The following RSPO4 variants were observed in gnomAD, a reference collection of about 807,000 sequenced individuals.
The protein encoded by RSPO4 is R-spondin 4.
A neutral mutation model predicts 24.8 loss-of-function variants in RSPO4; 23 were observed. The observed-to-expected ratio is 0.93, with a 90% CI of 0.67 to 1.31. The LOEUF (loss-of-function observed/expected upper bound fraction) is 1.31, where lower values mean the gene tolerates loss of function less well. RSPO4 is among the 40% of genes most tolerant of loss of function. The pLI, the probability that RSPO4 is intolerant of heterozygous loss-of-function variation, is 0.00. For missense variants in RSPO4, 333 were observed against 316.5 expected, an observed-to-expected ratio of 1.05 and a Z score of -0.39; for synonymous variants, 141 against 127.4, an observed-to-expected ratio of 1.11 and a Z score of -0.72.
At chr20:992,259 CTTTCT>C (rs1368729780) in intron 1 of RSPO4, among the ~76,000 whole-genome samples, 10 of 134,696 alleles carry the variant, frequency 7.4e-5, no homozygotes, top group African/African-American at 3.1e-4. Context: ...CTGAGGTCCA[CTTTCT>C]TTTTTTTTTT....
intron 3 of RSPO4, among the ~76,000 whole-genome samples, chr20:966,306 TA>T (rs1984194292): frequency 6.6e-6 from 1 of 152,088 alleles, no homozygotes; most frequent in Admixed American, 6.5e-5. Context: ...TGTTAGGAAA[TA>T]ATCAGAGCAG....
At chr20:998,884 G>A (rs1245636381) in intron 1 of RSPO4, among the ~76,000 whole-genome samples, 2 of 152,074 alleles carry the variant, frequency 1.3e-5, no homozygotes, top group African/African-American at 4.8e-5. Flanking sequence ...AAAGCTGGTA[G>A]GACCCTGAGG....
At chr20:977,137 C>T (rs1160196260) in intron 1 of RSPO4, among the ~76,000 whole-genome samples, 1 of 152,208 alleles carries the variant, frequency 6.6e-6, no homozygotes, top group Non-Finnish European at 1.5e-5. Context: ...CAAACTTGGG[C>T]ATGCATCAGA....
intron 1 of RSPO4, among the ~76,000 whole-genome samples, chr20:992,169 T>C (rs1476051547): frequency 6.6e-6 from 1 of 152,102 alleles, no homozygotes; most frequent in Non-Finnish European, 1.5e-5. Context: ...GCATTTGTAA[T>C]GTGCTGGCAA....
At chr20:995,895 ACACT>A (rs1482137471) in intron 1 of RSPO4, among the ~76,000 whole-genome samples, 7 of 152,338 alleles carry the variant, frequency 4.6e-5, no homozygotes, top group Non-Finnish European at 8.8e-5. Flanking sequence ...ATGCATGCAC[ACACT>A]CACATACATC....
intron 4 of RSPO4, among the ~76,000 whole-genome samples, chr20:961,795 A>G (rs1431687390): frequency 3.3e-5 from 5 of 150,932 alleles, no homozygotes; most frequent in African/African-American, 1.2e-4. Flanking sequence ...CCCTCCACCT[A>G]TTTACCCACC....
chr20:1,001,629 A>G (rs751665413), intron 1 of RSPO4, among the ~76,000 whole-genome samples: 1 of 152,106 alleles, frequency 6.6e-6, no homozygotes, highest in South Asian at 2.1e-4. Flanking sequence ...TGACACCAGG[A>G]GTCAGGGTGA....
intron 4 of RSPO4, among the ~76,000 whole-genome samples, chr20:962,032 CCATCCATCCACT>C: frequency 6.6e-6 from 1 of 152,294 alleles, no homozygotes; most frequent in South Asian, 2.1e-4. Context: ...GTGCATTCAG[CCATCCATCCACT>C]CATCCAACAA....
intron 1 of RSPO4, among the ~76,000 whole-genome samples, chr20:978,256 G>A (rs1415827747): frequency 6.6e-6 from 1 of 152,180 alleles, no homozygotes; most frequent in Non-Finnish European, 1.5e-5. Context: ...ACTGTTCTGA[G>A]CCTTGGTCTT....
At chr20:993,262 T>C (rs963321182) in intron 1 of RSPO4, among the ~76,000 whole-genome samples, 1 of 152,242 alleles carries the variant, frequency 6.6e-6, no homozygotes, top group Non-Finnish European at 1.5e-5. Flanking sequence ...TGAATCATGC[T>C]GCATTACTGC....
At position 959,721 on chromosome 20, in the gene RSPO4, C is replaced by T. The variant is rs1983923337; in HGVS notation, c.*636G>A. ...GCCAGGCCTCTGGAAGCCCTGGAGC[C>T]TTGTCCAGCCAGCTCCTCGGGGTGG... On this transcript the variant is annotated 3_prime_UTR_variant, in exon 5 of 5. Transcript: ENST00000217260. 6.6e-6 allele frequency: 1 copy of T among 152,478 alleles called. No individual in the cohort carries two copies. The highest frequency in any genetic ancestry group is 2.4e-5 in the African/African-American group (1 of 41,458). 9.4% of individuals were successfully genotyped at this position (152,478 alleles called of 1,614,324 possible).
rs1295018874 is a variant in RSPO4, at chr20:959,283, C to A, written c.*1074G>T. 1.3e-5 allele frequency: 2 copies of A among 152,360 alleles called. No individual in the cohort carries two copies. The highest frequency in any genetic ancestry group is 2.9e-5 in the Non-Finnish European group (2 of 68,290). 9.4% of individuals were successfully genotyped at this position (152,360 alleles called of 1,614,324 possible). A position where few individuals can be genotyped will look rare whatever the true frequency, so the allele number is the denominator to read the frequency against. ...CCCCACCCACAATTCCCTACATTTC[C>A]CCCCTCAAGTGACCCCCAAATTCTC... On this transcript the variant is annotated 3_prime_UTR_variant, in exon 5 of 5. Transcript: ENST00000217260.
intron 1 of RSPO4, among the ~76,000 whole-genome samples, chr20:982,150 G>A (rs1461246522): frequency 1.3e-5 from 2 of 152,096 alleles, no homozygotes; most frequent in Non-Finnish European, 2.9e-5. Context: ...ATGAGTTCGG[G>A]ACCGGGGCAG....
At chr20:995,482 G>A (rs1227529808) in intron 1 of RSPO4, among the ~76,000 whole-genome samples, 2 of 152,192 alleles carry the variant, frequency 1.3e-5, no homozygotes, top group South Asian at 2.1e-4. Flanking sequence ...GCCACGCCCT[G>A]GCCGAGCAGA....
intron 1 of RSPO4, among the ~76,000 whole-genome samples, chr20:975,477 C>T (rs1037401185): frequency 2.0e-5 from 3 of 152,152 alleles, no homozygotes; most frequent in Non-Finnish European, 4.4e-5. Flanking sequence ...AAAAGCATGG[C>T]CCTGTGTTGC....
intron 1 of RSPO4, among the ~76,000 whole-genome samples, chr20:993,422 C>T (rs1985174762): frequency 6.6e-6 from 1 of 152,168 alleles, no homozygotes; most frequent in South Asian, 2.1e-4. Context: ...GCAAATGTGT[C>T]CTGGATGCTG....
intron 4 of RSPO4, among the ~76,000 whole-genome samples, chr20:962,228 G>A (rs774539867): frequency 6.6e-6 from 1 of 152,152 alleles, no homozygotes; most frequent in African/African-American, 2.4e-5. Context: ...GGGTGCAAGT[G>A]CTACCATGTG....
intron 1 of RSPO4, among the ~76,000 whole-genome samples, chr20:972,734 C>T (rs1421299643): frequency 6.6e-6 from 1 of 152,166 alleles, no homozygotes; most frequent in Non-Finnish European, 1.5e-5. Flanking sequence ...CTGATGATGT[C>T]GGGTTTTCCG....
At chr20:977,106 A>G (rs1984590028) in intron 1 of RSPO4, among the ~76,000 whole-genome samples, 1 of 152,152 alleles carries the variant, frequency 6.6e-6, no homozygotes, top group Admixed American at 6.5e-5. Flanking sequence ...ACAATAGAAA[A>G]CAATGTAGAG....
Sources: gnomAD v4.1 joint callset for allele counts (sites outside exome capture counted in the v4.1 genomes callset) on GRCh38, gnomAD v4.1.1 for gene constraint, MANE v1.5 for transcripts, NCBI Gene and HGNC (gene_info 2026-07-23, HGNC 2026-07-21) for gene names.